RPL24: variants seen among roughly 807,000 people sequenced by gnomAD.
RPL24 encodes large ribosomal subunit protein eL24.
A neutral mutation model predicts 26.4 loss-of-function variants in RPL24; 7 were observed. The observed-to-expected ratio is 0.27, with a 90% confidence interval of 0.15 to 0.50. The LOEUF is 0.50. Among genes scored for constraint, RPL24 ranks in the 20% least tolerant of loss-of-function variants. The pLI, the probability that RPL24 is intolerant of heterozygous loss-of-function variation, is 0.98. For synonymous variants in RPL24, 67 were observed against 65.2 expected (o/e 1.03, Z -0.13); for missense variants, 109 against 194.9 (o/e 0.56, Z 2.62).
At chr3:101,683,232 T>C (rs1337339667) in intron 3 of RPL24, among the ~76,000 whole-genome samples, 1 of 152,170 alleles carries the variant, frequency 6.6e-6, no homozygotes, top group African/African-American at 2.4e-5. Context: ...ATTATCATAT[T>C]CAGCTTTTTT....
Position 101,686,670 on chromosome 3 carries a change from A to G in RPL24, c.5+2T>C. On this transcript the variant is annotated splice_donor_variant, in intron 1 of 5. Coordinates refer to ENST00000394077, the MANE Select transcript of RPL24 (RefSeq NM_000986.4). LOFTEE classifies it high-confidence loss of function. ...GGATTGGGAACCACGGGTCGTGCTT[A>G]CTTCATGGCGACAGCTCCACGGAAA... The G allele has an allele frequency of 6.2e-7, 1 of 1,614,244 alleles. No individual in the cohort carries two copies. Among genetic ancestry groups the G allele is most frequent in the Non-Finnish European group, 8.5e-7 (1 of 1,180,042 alleles).
intron 4 of RPL24, 111 bp downstream of exon 4, chr3:101,682,660 C>T (rs1025319999): frequency 6.3e-6 from 8 of 1,264,586 alleles, no homozygotes; most frequent in Non-Finnish European, 9.0e-6. Context: ...TTTCATTAAC[C>T]ACCAAATCAG....
At chr3:101,683,830 GCCT>G (rs1009306136) in intron 3 of RPL24, among the ~76,000 whole-genome samples, 2 of 150,910 alleles carry the variant, frequency 1.3e-5, no homozygotes, top group Non-Finnish European at 2.9e-5. Flanking sequence ...TTCTGCCTCA[GCCT>G]CCTGAGTAGC....
chr3:101,684,776 CAAAAAAAAAAAAAAA>C (rs57278210), intron 3 of RPL24, among the ~76,000 whole-genome samples: 51 of 53,212 alleles, frequency 9.6e-4, no homozygotes, highest in African/African-American at 2.1e-3. Context: ...CCTGTCTCCC[CAAAAAAAAAAAAAAA>C]AAAAAAAAAA....
rs1487644507 is a variant in RPL24, at chr3:101,682,798, C to G, written c.302G>C (p.Arg101Thr). 1 of 1,613,256 alleles carries G rather than the reference C, an allele frequency of 6.2e-7. No homozygotes were observed. The highest frequency in any genetic ancestry group is 8.5e-7 in the Non-Finnish European group (1 of 1,179,816). ...MAKRNQKPEVRKAQREQAIRA... is the reference protein window; with the variant it reads ...MAKRNQKPEVTKAQREQAIRA... ...GATAGCTTGTTCTCGTTGAGCCTTTCTAACTTCAGGTTTCTGATTCCTCTT... is the reference window on the plus strand; with the variant it reads ...GATAGCTTGTTCTCGTTGAGCCTTTGTAACTTCAGGTTTCTGATTCCTCTT... The change falls in exon 4 of 6, where the codon AGA becomes ACA. Residue 101 changes from arginine to threonine, a missense_variant. Physicochemically the swap from Arg to Thr is moderately conservative, Grantham distance 71 (BLOSUM62 -1). Coordinates refer to ENST00000394077, the MANE Select transcript of RPL24 (RefSeq NM_000986.4).
At chr3:101,681,354 G>GTGAC in intron 5 of RPL24, 139 bp from the exon 6 acceptor site, 1 of 645,996 alleles carries the variant, frequency 1.5e-6, no homozygotes, top group Non-Finnish European at 2.8e-6. Flanking sequence ...ATCTTTTAAT[G>GTGAC]TGACTACCCT....
At chr3:101,683,701 T>C (rs1161227571) in intron 3 of RPL24, among the ~76,000 whole-genome samples, 1 of 149,544 alleles carries the variant, frequency 6.7e-6, no homozygotes, top group Non-Finnish European at 1.5e-5. Flanking sequence ...TTTTGGTTTT[T>C]CTTTTCTTTT....
At position 101,686,692 on chromosome 3, in the gene RPL24, G is replaced by A. The variant is rs200803074; in HGVS notation, c.-16C>T. On this transcript the variant is annotated 5_prime_UTR_variant, in exon 1 of 6. Coordinates refer to ENST00000394077, the MANE Select transcript of RPL24 (RefSeq NM_000986.4). ...CTTACTTCATGGCGACAGCTCCACG[G>A]AAAGACAAAAGATGGCGAAAAGAAA... The A allele has an allele frequency of 2.6e-3, 4,253 of 1,614,186 alleles. 12 individuals are homozygous for A. The highest frequency in any genetic ancestry group is 3.3e-3 in the Non-Finnish European group (3,876 of 1,180,012).
At position 101,686,533 on chromosome 3, in the gene RPL24, C is replaced by T. The variant is rs150923695; in HGVS notation, c.30G>A (p.Gly10=). 6 of 1,614,078 alleles carry T rather than the reference C, an allele frequency of 3.7e-6. No individual in the cohort carries two copies. The highest frequency in any genetic ancestry group is 5.1e-6 in the Non-Finnish European group (6 of 1,179,988). Reference sequence around the variant, plus strand: ...TCCCGTGTCCGGGGTAGATCTTGTACCCGCTAAAACTGCACAGCTCGACCC... The same window carrying T: ...TCCCGTGTCCGGGGTAGATCTTGTATCCGCTAAAACTGCACAGCTCGACCC... The part of the protein sequence containing the change: MKVELCSFS[G]YKIYPGHGRR... Residue 10 remains glycine (G), a synonymous_variant, in exon 2 of 6, where the codon GGG becomes GGA. Coordinates refer to ENST00000394077, the MANE Select transcript of RPL24 (RefSeq NM_000986.4).
intron 4 of RPL24, 133 bp from the exon 5 acceptor site, chr3:101,682,625 T>C (rs1019623973): frequency 3.6e-5 from 41 of 1,152,310 alleles, no homozygotes; most frequent in Admixed American, 6.5e-5. Context: ...ATTTGTAGGC[T>C]AAATCCAAAG....
intron 3 of RPL24, 139 bp downstream of exon 3, chr3:101,685,679 T>C: frequency 2.0e-6 from 1 of 508,342 alleles, no homozygotes; most frequent in Non-Finnish European, 3.6e-6. Flanking sequence ...ATAATATCTT[T>C]TTCATTTTGC....
At chr3:101,682,388 C>T in intron 5 of RPL24, 41 bp downstream of exon 5, 4 of 1,531,270 alleles carry the variant, frequency 2.6e-6, no homozygotes, top group Non-Finnish European at 3.6e-6. Flanking sequence ...GAAAATTTTC[C>T]TGTTGTATTG....
In RPL24 at chr3:101,683,657, T is replaced by C. The variant is rs140314956; in HGVS notation, c.193-750A>G. Among the ~76,000 whole-genome samples, 400 of 152,196 alleles carry C rather than the reference T, an allele frequency of 2.6e-3. 2 individuals carry two copies. The highest frequency in any genetic ancestry group is 9.4e-3 in the African/African-American group (390 of 41,554). ...AACGAACACTTAAACATTTTTTTTA[T>C]TGTGGTAAAAATGTAAAGTTGACAA... On this transcript the variant is annotated intron_variant, in intron 3 of 5. Transcript: ENST00000394077.
At chr3:101,681,479 G>T in intron 5 of RPL24, 1 of 423,020 alleles carries the variant, frequency 2.4e-6, no homozygotes. Context: ...CATCCTAACA[G>T]AAACTCACAG....
chr3:101,683,789 A>ACCTCCG (rs1294059913), intron 3 of RPL24, among the ~76,000 whole-genome samples: 1 of 149,850 alleles, frequency 6.7e-6, no homozygotes, highest in Non-Finnish European at 1.5e-5. Context: ...GCTCACTGCA[A>ACCTCCG]CCTCCGCCTC....
In RPL24 at chr3:101,682,415, A is replaced by C; in HGVS notation, c.393+14T>G. ...GTTGTATTGTTCAAGAAAGTAAAGA[A>C]ACCCCATAATTACCTTAGCAGCAGC... On this transcript the variant is annotated intron_variant, in intron 5 of 5. Coordinates refer to ENST00000394077, the MANE Select transcript of RPL24 (RefSeq NM_000986.4). 6.2e-7 allele frequency: 1 copy of C among 1,606,166 alleles called. No individual in the cohort carries two copies. Among genetic ancestry groups the C allele is most frequent in the Non-Finnish European group, 8.5e-7 (1 of 1,172,760 alleles).
chr3:101,685,186 T>C (rs893976806), intron 3 of RPL24, among the ~76,000 whole-genome samples: 2 of 152,094 alleles, frequency 1.3e-5, no homozygotes, highest in African/African-American at 2.4e-5. Context: ...TTTTTTTTTT[T>C]CCTGAATAGT....
At position 101,684,776 on chromosome 3, in the gene RPL24, C is replaced by CAA. The variant is rs57278210; in HGVS notation, c.192+1040_192+1041dup. On this transcript the variant is annotated intron_variant, in intron 3 of 5. Transcript: ENST00000394077. ...CTGAGCAACAGAGGACCTGTCTCCCCAAAAAAAAAAAAAAAAAAAAAAAAA... is the reference window on the plus strand; with the variant it reads ...CTGAGCAACAGAGGACCTGTCTCCCCAAAAAAAAAAAAAAAAAAAAAAAAAAA... Among the ~76,000 whole-genome samples the CAA allele has an allele frequency of 2.3e-3, 123 of 53,208 alleles. 19 individuals are homozygous for CAA. The highest frequency in any genetic ancestry group is 7.1e-3 in the African/African-American group (88 of 12,340). The allele number at this position is 53,208 out of a possible 152,430, so 34.9% of individuals were successfully genotyped here.
chr3:101,684,776 C>CCAA lies in RPL24; in HGVS notation c.192+1041_192+1042insTTG, dbSNP rs1205904118. Among the ~76,000 whole-genome samples the CCAA allele has an allele frequency of 7.4e-3, 394 of 53,216 alleles. 53 individuals are homozygous for CCAA. The highest frequency in any genetic ancestry group is 0.018 in the Middle Eastern group (1 of 56). The allele number at this position is 53,216 out of a possible 152,430, so 34.9% of individuals were successfully genotyped here. ...CTGAGCAACAGAGGACCTGTCTCCC[C>CCAA]AAAAAAAAAAAAAAAAAAAAAAAAA... On this transcript the variant is annotated intron_variant, in intron 3 of 5. Transcript: ENST00000394077.
Sources: gnomAD v4.1 joint callset for allele counts (sites outside exome capture counted in the v4.1 genomes callset) on GRCh38, gnomAD v4.1.1 for gene constraint, MANE v1.5 for transcripts, NCBI Gene and HGNC (gene_info 2026-07-23, HGNC 2026-07-21) for gene names.